The following DIP2B variants were observed in gnomAD, a reference collection of about 807,000 sequenced individuals.
The protein encoded by DIP2B is DIP2 acetate--CoA ligase B (putative), also known as disco-interacting protein 2 homolog B.
DIP2B carries 76 observed loss-of-function variants against 198.0 expected under a neutral mutation model. The observed-to-expected ratio is 0.38, with a 90% CI of 0.32 to 0.46. The LOEUF (loss-of-function observed/expected upper bound fraction) is 0.46, where lower values mean the gene tolerates loss of function less well. Ranked by LOEUF, DIP2B falls within the 20% of genes least tolerant of loss-of-function variation. The pLI is 0.99. For missense variants in DIP2B, 1,559 were observed against 1,978.4 expected (o/e 0.79, Z 4.02); for synonymous variants, 701 against 739.1 (o/e 0.95, Z 0.84).
intron 3 of DIP2B, among the ~76,000 whole-genome samples, chr12:50,648,466 C>T (rs910839742): frequency 6.6e-6 from 1 of 152,166 alleles, no homozygotes; most frequent in Non-Finnish European, 1.5e-5. Context: ...TGGGTTCACG[C>T]CATTCTCCTG....
chr12:50,736,577 C>G (rs76656945), intron 34 of DIP2B, among the ~76,000 whole-genome samples: 2,798 of 152,286 alleles, frequency 0.018, 35 homozygotes, highest in Admixed American at 0.029. Context: ...TCCTCTGTCA[C>G]TCTTCACATT....
At chr12:50,619,478 C>T (rs973153721) in intron 1 of DIP2B, among the ~76,000 whole-genome samples, 2 of 152,104 alleles carry the variant, frequency 1.3e-5, no homozygotes, top group Non-Finnish European at 2.9e-5. Context: ...TCGTCTGCTC[C>T]GTGAAGCATT....
chr12:50,649,910 T>C (rs1175874960), intron 3 of DIP2B, among the ~76,000 whole-genome samples: 5 of 151,784 alleles, frequency 3.3e-5, no homozygotes, highest in African/African-American at 1.2e-4. Context: ...AGAGAAACCA[T>C]ATTAAGTGCC....
rs766324576 is a variant in DIP2B, at chr12:50,683,125, T to C, written c.1207-13T>C. 1 of 1,593,212 alleles carries C rather than the reference T, an allele frequency of 6.3e-7. No individual in the cohort carries two copies. Among genetic ancestry groups the C allele is most frequent in the Admixed American group, 1.8e-5 (1 of 55,720 alleles). ...TATTCCTCTGTTAAACTGAATATCA[T>C]TATGAATTTTAGGTAGCCCTGGTTT... On this transcript the variant is annotated splice_polypyrimidine_tract_variant and intron_variant, in intron 9 of 37. Coordinates refer to ENST00000301180, the MANE Select transcript of DIP2B (RefSeq NM_173602.3).
At chr12:50,555,037 G>T (rs1049058830) in intron 1 of DIP2B, among the ~76,000 whole-genome samples, 1 of 152,072 alleles carries the variant, frequency 6.6e-6, no homozygotes. Context: ...CAAAGTGCTG[G>T]GATTATAGGC....
intron 19 of DIP2B, among the ~76,000 whole-genome samples, chr12:50,700,296 C>T (rs1286426874): frequency 1.3e-5 from 2 of 152,082 alleles, no homozygotes; most frequent in South Asian, 2.1e-4. Context: ...AGAACAGGGG[C>T]GGTTAATTGT....
rs376114567 is a variant in DIP2B, at chr12:50,739,556, C to T, written c.4324C>T (p.Arg1442Cys). 5.0e-6 allele frequency: 8 copies of T among 1,613,934 alleles called. No homozygotes were observed. The highest frequency in any genetic ancestry group is 1.6e-4 in the Middle Eastern group (1 of 6,076). ...TCGGACAGGATACCTTGGTTTTGTC[C>T]GCCGGACCGAGCTCACAGCGGCCAC... ...WARTGYLGFV[R>C]RTELTAATGE... Residue 1442 changes from arginine (R) to cysteine (C), a missense_variant, in exon 36 of 38, where the codon CGC becomes TGC. Coordinates refer to ENST00000301180, the MANE Select transcript of DIP2B (RefSeq NM_173602.3).
intron 1 of DIP2B, among the ~76,000 whole-genome samples, chr12:50,533,170 G>C (rs1053147503): frequency 6.6e-5 from 10 of 152,178 alleles, no homozygotes; most frequent in African/African-American, 2.4e-4. Flanking sequence ...TGTCCATTTT[G>C]TTTTAATTAG....
At chr12:50,611,031 C>T (rs1959027527) in intron 1 of DIP2B, among the ~76,000 whole-genome samples, 1 of 152,076 alleles carries the variant, frequency 6.6e-6, no homozygotes, top group Non-Finnish European at 1.5e-5. Context: ...AACTCCTGAC[C>T]TTGTGACCCA....
intron 3 of DIP2B, chr12:50,656,881 T>C (rs1938563744): frequency 6.6e-6 from 1 of 152,132 alleles, no homozygotes; most frequent in African/African-American, 2.4e-5. Flanking sequence ...AGGAAAACTT[T>C]TTCTTATAAT....
At chr12:50,522,457 G>A (rs1053882313) in intron 1 of DIP2B, among the ~76,000 whole-genome samples, 2 of 152,106 alleles carry the variant, frequency 1.3e-5, no homozygotes, top group African/African-American at 2.4e-5. Flanking sequence ...ATTGCAGGGC[G>A]CACACATACA....
chr12:50,643,026 C>CTA (rs1555189534), intron 3 of DIP2B, among the ~76,000 whole-genome samples: 1 of 149,710 alleles, frequency 6.7e-6, no homozygotes, highest in African/African-American at 2.4e-5. Flanking sequence ...CTGGGAGTTT[C>CTA]TGTGTGTGTG....
At chr12:50,569,137 G>T (rs1958592421) in intron 1 of DIP2B, among the ~76,000 whole-genome samples, 1 of 140,116 alleles carries the variant, frequency 7.1e-6, no homozygotes, top group Admixed American at 7.2e-5. Flanking sequence ...ATGGGAATTT[G>T]TTTTGATAGA....
At chr12:50,562,772 C>G (rs1427216124) in intron 1 of DIP2B, among the ~76,000 whole-genome samples, 1 of 151,340 alleles carries the variant, frequency 6.6e-6, no homozygotes, top group Non-Finnish European at 1.5e-5. Flanking sequence ...TTTTTATGGT[C>G]AGACTAAATT....
chr12:50,613,709 G>C (rs1463620672), intron 1 of DIP2B, among the ~76,000 whole-genome samples: 1 of 152,144 alleles, frequency 6.6e-6, no homozygotes, highest in Non-Finnish European at 1.5e-5. Flanking sequence ...AGCACTCACA[G>C]ATCAGCGCAG....
chr12:50,714,421 G>T lies in DIP2B; in HGVS notation c.2676G>T (p.Gly892=), dbSNP rs768950446. The change falls in exon 23 of 38, where the codon GGG becomes GGT. Residue 892 remains glycine (G), a synonymous_variant. Transcript: ENST00000301180. ...LQAIDSIHQV[G]VYCLALVPAN... ...CGATCGATAGCATTCATCAAGTGGG[G>T]GTTTATTGTCTTGCTCTGGTGCCAG... 6.2e-7 allele frequency: 1 copy of T among 1,614,098 alleles called. No homozygotes were observed. Among genetic ancestry groups the T allele is most frequent in the Admixed American group, 1.7e-5 (1 of 60,010 alleles).
rs2139597981 is a variant in DIP2B, at chr12:50,731,439, T to G, written c.3712T>G (p.Ser1238Ala). The G allele has an allele frequency of 6.2e-7, 1 of 1,614,174 alleles. No homozygotes were observed. The highest frequency in any genetic ancestry group is 8.5e-7 in the Non-Finnish European group (1 of 1,180,028). ...AGAGAACAACCTTTTCCTCTGGCTC[T>G]CCACAGTCAACCAGTACAAAATAAG... ...ELENNLFLWL[S>A]TVNQYKIRDT... Residue 1238 changes from serine to alanine, a missense_variant, in exon 31 of 38, where the codon TCC becomes GCC. Coordinates refer to ENST00000301180, the MANE Select transcript of DIP2B (RefSeq NM_173602.3).
chr12:50,737,048 G>A lies in DIP2B; in HGVS notation c.4114G>A (p.Val1372Met). The change falls in exon 35 of 38, where the codon GTG (valine) becomes ATG (methionine). Residue 1372 changes from valine (V) to methionine (M), a missense_variant. Val to Met is a conservative substitution (Grantham distance 21). Coordinates refer to ENST00000301180, the MANE Select transcript of DIP2B (RefSeq NM_173602.3). The stretch of plus-strand genomic sequence containing the variant: ...CTTTGATTCTTAGATTTTACCTGGA[G>A]TGAAAGTGGTTATTGTTAATCCTGA... ...LSESGKILPG[V>M]KVVIVNPETK... is the part of the protein sequence containing the mutation. 6.2e-7 allele frequency: 1 copy of A among 1,613,934 alleles called. No homozygotes were observed. Among genetic ancestry groups the A allele is most frequent in the Non-Finnish European group, 8.5e-7 (1 of 1,179,914 alleles).
At chr12:50,595,449 G>T (rs1040163258) in intron 1 of DIP2B, among the ~76,000 whole-genome samples, 21 of 152,094 alleles carry the variant, frequency 1.4e-4, no homozygotes, top group African/African-American at 3.4e-4. Context: ...GGGACTACAG[G>T]CATGCACCAC....
Sources: allele counts gnomAD v4.1 joint callset (sites outside exome capture counted in the v4.1 genomes callset), GRCh38; gene constraint gnomAD v4.1.1; transcripts MANE v1.5; gene names NCBI Gene and HGNC (gene_info 2026-07-23, HGNC 2026-07-21).